GALC: variants seen among roughly 807,000 people sequenced by gnomAD.
The protein encoded by GALC is galactosylceramidase.
In GALC, 77 loss-of-function variants were observed where a neutral mutation model predicts 91.8. The ratio of observed to expected loss-of-function variants is 0.84; its 90% confidence interval spans 0.70 to 1.01. GALC has a LOEUF of 1.01. GALC is among the 50% of genes least tolerant of loss of function. The probability of loss-of-function intolerance (pLI) is 0.00; values close to 1 mark genes in which losing one functional copy is unlikely to be tolerated. For missense variants in GALC, 882 were observed against 855.9 expected (o/e 1.03, Z -0.38); for synonymous variants, 357 against 306.7 (o/e 1.16, Z -1.71).
intron 9 of GALC, among the ~76,000 whole-genome samples, chr14:87,964,686 T>C (rs1330101168): frequency 1.3e-5 from 2 of 152,132 alleles, no homozygotes; most frequent in Non-Finnish European, 2.9e-5. Context: ...GCCCTGTTCA[T>C]TGTCTCTGAG....
At chr14:87,992,087 A>G (rs1431173077) in intron 1 of GALC, among the ~76,000 whole-genome samples, 2 of 120,502 alleles carry the variant, frequency 1.7e-5, no homozygotes, top group African/African-American at 5.2e-5. Flanking sequence ...CTCCAGGGGG[A>G]AAAAAATTTC....
At chr14:87,993,241 T>C (rs771211876), upstream of GALC, 37 of 1,543,400 alleles carry the variant, frequency 2.4e-5, no homozygotes, top group African/African-American at 8.2e-5. Context: ...AGGAGGCCGC[T>C]GATGCTGACG....
intron 2 of GALC, 75 bp from the exon 3 acceptor site, chr14:87,988,282 T>C: frequency 1.4e-6 from 2 of 1,413,920 alleles, no homozygotes; most frequent in Non-Finnish European, 2.0e-6. Context: ...ATTACTGCCT[T>C]AGGTTTTACA....
chr14:87,949,912 T>C lies in GALC; in HGVS notation c.1271A>G (p.Gln424Arg). Residue 424 changes from glutamine to arginine, a missense_variant, in exon 12 of 17, where the codon CAG becomes CGG. By Grantham distance (43) the Gln-to-Arg change is conservative (BLOSUM62 1). Coordinates refer to ENST00000261304, the MANE Select transcript of GALC (RefSeq NM_000153.4). ...TTTTCCAAGTTTGGTATACCATACC[T>C]GTAGCTCTGGTATTTCACTCTGTAA... ...KGSFSEIPELQVWYTKLGKTS... is the reference protein window; with the variant it reads ...KGSFSEIPELRVWYTKLGKTS... 1 of 1,579,468 alleles carries C rather than the reference T, an allele frequency of 6.3e-7. No individual in the cohort carries two copies. Among genetic ancestry groups the C allele is most frequent in the African/African-American group, 1.3e-5 (1 of 74,262 alleles).
rs1884482480 is a variant in GALC, at chr14:87,934,403, T to A, written c.*329A>T. The A allele has an allele frequency of 7.8e-7, 1 of 1,273,968 alleles. No individual in the cohort carries two copies. Among genetic ancestry groups the A allele is most frequent in the South Asian group, 1.7e-5 (1 of 58,960 alleles). 78.9% of individuals were successfully genotyped at this position (1,273,968 alleles called of 1,614,324 possible). A position where few individuals can be genotyped will look rare whatever the true frequency, so the allele number is the denominator to read the frequency against. ...TGCCATCTACAGGACCGCTTGCAAATAAGATGAAGAGAGCTACCTCAGTGT... is the reference window on the plus strand; with the variant it reads ...TGCCATCTACAGGACCGCTTGCAAAAAAGATGAAGAGAGCTACCTCAGTGT... On this transcript the variant is annotated 3_prime_UTR_variant, in exon 17 of 17. Coordinates refer to ENST00000261304, the MANE Select transcript of GALC (RefSeq NM_000153.4).
chr14:87,968,290 T>A (rs572724091), intron 8 of GALC, 45 bp downstream of exon 8: 88 of 1,512,680 alleles, frequency 5.8e-5, no homozygotes, highest in South Asian at 4.5e-4. Context: ...CTTATGTTTT[T>A]AAATTTTTTT....
At chr14:87,940,392 G>A (rs556249419) in intron 15 of GALC, among the ~76,000 whole-genome samples, 56 of 151,836 alleles carry the variant, frequency 3.7e-4, no homozygotes, top group Non-Finnish European at 5.9e-4. Flanking sequence ...TAACTTAGAG[G>A]GAGAAAATAG....
At chr14:87,971,219 T>A (rs1039621999) in intron 7 of GALC, among the ~76,000 whole-genome samples, 1 of 151,912 alleles carries the variant, frequency 6.6e-6, no homozygotes, top group Non-Finnish European at 1.5e-5. Flanking sequence ...CCTCGCAGCA[T>A]CAGAAATGGC....
Position 87,988,530 on chromosome 14 carries a change from A to G in GALC, c.196-7T>C, listed in dbSNP as rs1302684850. 1.9e-6 allele frequency: 3 copies of G among 1,608,150 alleles called. No individual in the cohort carries two copies. The highest frequency in any genetic ancestry group is 2.6e-6 in the Non-Finnish European group (3 of 1,174,736). On this transcript the variant is annotated splice_region_variant and splice_polypyrimidine_tract_variant and intron_variant, in intron 1 of 16. Coordinates refer to ENST00000261304, the MANE Select transcript of GALC (RefSeq NM_000153.4). ...CTAGAAGTCGGGAGGTTGCCTAAAAAAAAAAGTTTTCAAAAGTATGAATAA... is the reference window on the plus strand; with the variant it reads ...CTAGAAGTCGGGAGGTTGCCTAAAAGAAAAAGTTTTCAAAAGTATGAATAA...
intron 1 of GALC, among the ~76,000 whole-genome samples, chr14:87,991,861 T>C (rs1231886285): frequency 6.6e-6 from 1 of 152,162 alleles, no homozygotes; most frequent in East Asian, 1.9e-4. Context: ...CTAGATATAG[T>C]ATCACAAGTA....
intron 10 of GALC, among the ~76,000 whole-genome samples, chr14:87,959,966 T>C (rs1056972984): frequency 5.9e-5 from 9 of 152,130 alleles, no homozygotes; most frequent in Non-Finnish European, 1.3e-4. Flanking sequence ...AATGAAATCC[T>C]GATATTTGCA....
rs1884460827 is a variant in GALC, at chr14:87,933,923, C to T, written c.*809G>A. The T allele has an allele frequency of 1.4e-6, 2 of 1,413,928 alleles. No homozygotes were observed. The highest frequency in any genetic ancestry group is 1.2e-5 in the South Asian group (1 of 81,506). The allele number at this position is 1,413,928 out of a possible 1,614,324, so 87.6% of individuals were successfully genotyped here. The stretch of plus-strand genomic sequence containing the variant: ...CCAGTGCACATGTGAGGACAGACCA[C>T]AGCACAGTGAGATGAGGCTGAGGAA... On this transcript the variant is annotated 3_prime_UTR_variant, in exon 17 of 17. Coordinates refer to ENST00000261304, the MANE Select transcript of GALC (RefSeq NM_000153.4).
At chr14:87,988,715 C>T (rs1887073270) in intron 1 of GALC, among the ~76,000 whole-genome samples, 192 bp from the exon 2 acceptor site, 1 of 149,570 alleles carries the variant, frequency 6.7e-6, no homozygotes, top group African/African-American at 2.4e-5. Context: ...TGCTGTCTGT[C>T]CGACAGCTAA....
At chr14:87,943,329 C>A (rs1260713935) in intron 14 of GALC, among the ~76,000 whole-genome samples, 1 of 152,006 alleles carries the variant, frequency 6.6e-6, no homozygotes, top group African/African-American at 2.4e-5. Flanking sequence ...ATAGTACAAT[C>A]TATCCCATAT....
At chr14:87,966,169 G>A (rs745569149) in intron 8 of GALC, among the ~76,000 whole-genome samples, 10 of 152,094 alleles carry the variant, frequency 6.6e-5, no homozygotes, top group Admixed American at 1.3e-4. Flanking sequence ...TCTCTCTCAC[G>A]TGAGTTTGTA....
chr14:87,978,372 G>T (rs1886595834), intron 6 of GALC, among the ~76,000 whole-genome samples: 1 of 152,128 alleles, frequency 6.6e-6, no homozygotes, highest in South Asian at 2.1e-4. Flanking sequence ...CAGAGAAGAG[G>T]AAGAGCAACT....
chr14:87,970,055 T>C (rs928091423), intron 7 of GALC, among the ~76,000 whole-genome samples: 2 of 152,138 alleles, frequency 1.3e-5, no homozygotes, highest in African/African-American at 4.8e-5. Context: ...ACGCCCAACC[T>C]GAAAAATCTG....
intron 6 of GALC, chr14:87,980,540 C>A: frequency 1.0e-6 from 1 of 958,508 alleles, no homozygotes; most frequent in Non-Finnish European, 1.2e-6. Context: ...TGATATGCCC[C>A]TGCCTTAGCA....
chr14:87,936,217 C>A (rs968868901), intron 16 of GALC, among the ~76,000 whole-genome samples: 1 of 152,056 alleles, frequency 6.6e-6, no homozygotes, highest in Non-Finnish European at 1.5e-5. Flanking sequence ...TCAGTGAGGT[C>A]TTTCCTCACC....
Sources: allele counts gnomAD v4.1 joint callset (sites outside exome capture counted in the v4.1 genomes callset), GRCh38; gene constraint gnomAD v4.1.1; transcripts MANE v1.5; gene names NCBI Gene and HGNC (gene_info 2026-07-23, HGNC 2026-07-21).